MIR2052HG: variants seen among roughly 807,000 people sequenced by gnomAD.
MIR2052HG encodes MIR2052 host gene.
intron 2 of MIR2052HG, among the ~76,000 whole-genome samples, chr8:74,621,071 C>A (rs1808355199): frequency 6.6e-6 from 1 of 152,192 alleles, no homozygotes; most frequent in African/African-American, 2.4e-5. Context: ...ACCTTTACTG[C>A]AGTTGCCAAA....
intron 2 of MIR2052HG, among the ~76,000 whole-genome samples, chr8:74,678,408 C>G (rs1809078820): frequency 6.6e-6 from 1 of 151,286 alleles, no homozygotes; most frequent in Non-Finnish European, 1.5e-5. Context: ...AAAATAAATA[C>G]AAAAATTAGC....
chr8:74,744,763 G>A (rs530654555), intron 4 of MIR2052HG, among the ~76,000 whole-genome samples: 12 of 152,018 alleles, frequency 7.9e-5, no homozygotes, highest in Non-Finnish European at 1.5e-4. Flanking sequence ...CTTTGCTATT[G>A]TGAATAATGC....
At chr8:74,600,506 G>A (rs200589862) in intron 1 of MIR2052HG, among the ~76,000 whole-genome samples, 7 of 150,822 alleles carry the variant, frequency 4.6e-5, no homozygotes, top group African/African-American at 9.7e-5. Context: ...GGCATGAACC[G>A]GGGAGGCGGA....
chr8:74,601,170 ATAAGCATCTTTACTGC>A (rs1807994845), intron 1 of MIR2052HG, among the ~76,000 whole-genome samples: 1 of 152,238 alleles, frequency 6.6e-6, no homozygotes, highest in Non-Finnish European at 1.5e-5. Flanking sequence ...TTGTATTTAT[ATAAGCATCTTTACTGC>A]AGAGGCCAAA....
At chr8:74,647,028 C>T (rs1808695755) in intron 2 of MIR2052HG, among the ~76,000 whole-genome samples, 1 of 152,078 alleles carries the variant, frequency 6.6e-6, no homozygotes, top group African/African-American at 2.4e-5. Flanking sequence ...GCTATTTGGG[C>T]CAGTACCCAG....
At chr8:74,702,076 A>G (rs1209665679) in intron 2 of MIR2052HG, among the ~76,000 whole-genome samples, 2 of 152,098 alleles carry the variant, frequency 1.3e-5, no homozygotes, top group Non-Finnish European at 1.5e-5. Context: ...AAAAATAGAG[A>G]GGGCACAGGT....
chr8:74,710,978 C>T (rs961252504), intron 4 of MIR2052HG, among the ~76,000 whole-genome samples: 3 of 152,192 alleles, frequency 2.0e-5, no homozygotes, highest in Non-Finnish European at 4.4e-5. Context: ...TACCTCTATG[C>T]TGTCATGGAC....
At chr8:74,664,368 G>T (rs1300603973) in intron 2 of MIR2052HG, among the ~76,000 whole-genome samples, 1 of 152,022 alleles carries the variant, frequency 6.6e-6, no homozygotes. Flanking sequence ...GATTTTCTCA[G>T]CATGGAAAGG....
intron 2 of MIR2052HG, among the ~76,000 whole-genome samples, chr8:74,699,448 C>T (rs1809336063): frequency 6.6e-6 from 1 of 150,928 alleles, no homozygotes; most frequent in Admixed American, 6.6e-5. Flanking sequence ...ACCATGGAAT[C>T]ATACTCAGTC....
At chr8:74,715,876 C>T (rs1809515522) in intron 4 of MIR2052HG, among the ~76,000 whole-genome samples, 1 of 152,196 alleles carries the variant, frequency 6.6e-6, no homozygotes, top group Non-Finnish European at 1.5e-5. Context: ...TCTACTTCTT[C>T]CACTAAGTTT....
intron 2 of MIR2052HG, among the ~76,000 whole-genome samples, chr8:74,644,015 T>C (rs1177748649): frequency 6.6e-6 from 1 of 152,224 alleles, no homozygotes; most frequent in Non-Finnish European, 1.5e-5. Flanking sequence ...CCCTGAGATG[T>C]AATTCTCCTT....
intron 4 of MIR2052HG, among the ~76,000 whole-genome samples, chr8:74,752,281 C>CAAA: frequency 1.3e-5 from 1 of 79,376 alleles, no homozygotes. Context: ...GATCCTGTCT[C>CAAA]AAAAAAAAAA....
intron 2 of MIR2052HG, among the ~76,000 whole-genome samples, chr8:74,624,068 T>C (rs980535333): frequency 6.6e-6 from 1 of 152,194 alleles, no homozygotes; most frequent in South Asian, 2.1e-4. Context: ...AGAGCCAGCT[T>C]GTAATATTTT....
chr8:74,676,304 G>T (rs374227551), intron 2 of MIR2052HG, among the ~76,000 whole-genome samples: 1 of 152,000 alleles, frequency 6.6e-6, no homozygotes, highest in Non-Finnish European at 1.5e-5. Flanking sequence ...TGATGTCTCA[G>T]ATTGAGAATA....
intron 1 of MIR2052HG, among the ~76,000 whole-genome samples, chr8:74,611,946 C>T (rs1038208836): frequency 1.3e-5 from 2 of 152,164 alleles, no homozygotes; most frequent in Non-Finnish European, 2.9e-5. Context: ...TTGTTACTTA[C>T]AGATAGACGG....
chr8:74,713,135 A>G (rs2128741906), intron 4 of MIR2052HG, among the ~76,000 whole-genome samples: 1 of 152,304 alleles, frequency 6.6e-6, no homozygotes, highest in Middle Eastern at 3.4e-3. Flanking sequence ...ACACTTTTTT[A>G]TATGGGAGGC....
chr8:74,682,679 G>A (rs1219373360), intron 2 of MIR2052HG, among the ~76,000 whole-genome samples: 1 of 152,132 alleles, frequency 6.6e-6, no homozygotes, highest in Non-Finnish European at 1.5e-5. Context: ...GTGCTCCAAT[G>A]TTGCTGTGGG....
chr8:74,653,805 A>G (rs547069964), intron 2 of MIR2052HG, among the ~76,000 whole-genome samples: 72 of 152,250 alleles, frequency 4.7e-4, no homozygotes, highest in Non-Finnish European at 9.1e-4. Flanking sequence ...ATTAAATTAC[A>G]TGTACCCATA....
intron 2 of MIR2052HG, among the ~76,000 whole-genome samples, chr8:74,653,172 G>A (rs1399172421): frequency 6.6e-6 from 1 of 152,130 alleles, no homozygotes. Flanking sequence ...TATTTTATAA[G>A]TGGCAAAGTT....
Sources: allele counts gnomAD v4.1 joint callset (sites outside exome capture counted in the v4.1 genomes callset), GRCh38; gene constraint gnomAD v4.1.1; transcripts MANE v1.5; gene names NCBI Gene and HGNC (gene_info 2026-07-23, HGNC 2026-07-21).